Variants in P2RX5 observed in about 807,000 individuals in gnomAD.
P2RX5 encodes P2X purinoceptor 5.
Under a neutral mutation model 54.1 loss-of-function variants are expected in P2RX5, and 46 were observed. The observed-to-expected ratio is 0.85, with a 90% CI of 0.67 to 1.09. The LOEUF is 1.09. P2RX5 is among the 50% of genes least tolerant of loss of function. The pLI is 0.00. For missense variants in P2RX5, 566 were observed against 549.8 expected (o/e 1.03, Z -0.29); for synonymous variants, 226 against 226.4 (o/e 1.00, Z 0.02).
intron 1 of P2RX5, among the ~76,000 whole-genome samples, chr17:3,695,547 T>A (rs2143002246): frequency 6.6e-6 from 1 of 152,168 alleles, no homozygotes; most frequent in East Asian, 1.9e-4. Context: ...CCCTGCCCCC[T>A]TCCCATGGCC....
Position 3,681,968 on chromosome 17 carries a change from A to T in P2RX5, c.992T>A (p.Phe331Tyr). 1 of 1,612,420 alleles carries T rather than the reference A, an allele frequency of 6.2e-7. No homozygotes were observed. Among genetic ancestry groups the T allele is most frequent in the South Asian group, 1.1e-5 (1 of 91,058 alleles). ...DVMVNGKGAF[F>Y]CDLVLIYLIK... is the part of the protein sequence containing the mutation. The stretch of plus-strand genomic sequence containing the variant: ...GAGGTAGATGAGTACCAGGTCGCAG[A>T]AGAAAGCACCCTGCAAAACAGGGGT... Residue 331 changes from phenylalanine to tyrosine, a missense_variant, in exon 10 of 12, where the codon TTC (phenylalanine) becomes TAC (tyrosine). Physicochemically the swap from Phe to Tyr is conservative, Grantham distance 22. Coordinates refer to ENST00000225328, the MANE Select transcript of P2RX5 (RefSeq NM_002561.4).
chr17:3,700,919 C>T (rs2050812000), upstream of P2RX5, among the ~76,000 whole-genome samples: 1 of 152,172 alleles, frequency 6.6e-6, no homozygotes, highest in Non-Finnish European at 1.5e-5. Flanking sequence ...AGAAACTCCC[C>T]TCACCCCAGC....
chr17:3,690,898 C>G lies in P2RX5; in HGVS notation c.360+58G>C. On this transcript the variant is annotated intron_variant, in intron 3 of 11. Coordinates refer to ENST00000225328, the MANE Select transcript of P2RX5 (RefSeq NM_002561.4). ...ACCCTTGCTTCAGAAGAGAGTAGAC[C>G]CCAACCACTGCCGGTGGCTCTCCCA... 2.7e-6 allele frequency: 4 copies of G among 1,473,398 alleles called. No individual in the cohort carries two copies. The East Asian group carries it at 9.2e-5, about 34-fold the overall frequency. 91.3% of individuals were successfully genotyped at this position (1,473,398 alleles called of 1,614,324 possible).
In P2RX5 at chr17:3,674,916, C is replaced by A. The variant is rs117985361; in HGVS notation, c.1260-1039G>T. Among the ~76,000 whole-genome samples the A allele has an allele frequency of 2.4e-4, 36 of 152,344 alleles. No homozygotes were observed. In the East Asian group the frequency reaches 6.2e-3, roughly 26 times the overall value. On this transcript the variant is annotated intron_variant, in intron 11 of 11. Transcript: ENST00000225328. ...TTCAATGCCCCATTAGACTGGAAACCCTCGGGGGCAGGGATCGTGTCTGTG... is the reference window on the plus strand; with the variant it reads ...TTCAATGCCCCATTAGACTGGAAACACTCGGGGGCAGGGATCGTGTCTGTG...
At chr17:3,702,578 C>G in the P2RX5 span, among the ~76,000 whole-genome samples, 1 of 152,214 alleles carries the variant, frequency 6.6e-6, no homozygotes, top group African/African-American at 2.4e-5. Flanking sequence ...AGCTGTAACA[C>G]TCACTGCGAA....
the P2RX5 span, among the ~76,000 whole-genome samples, chr17:3,704,447 G>A: frequency 1.6e-4 from 24 of 152,260 alleles, no homozygotes; most frequent in Admixed American, 5.2e-4. Flanking sequence ...CTTCCATGAC[G>A]GACATATCCC....
chr17:3,720,278 G>A, the P2RX5 span: 135 of 1,083,672 alleles, frequency 1.2e-4, no homozygotes, highest in East Asian at 3.2e-3. Flanking sequence ...TTTTCCTTGG[G>A]CACTACTCAG....
chr17:3,696,400 G>C (rs2050760000), upstream of P2RX5: 1 of 161,032 alleles, frequency 6.2e-6, no homozygotes, highest in South Asian at 2.0e-4. Context: ...AGCAGCGATC[G>C]CGGAGGAGAG....
upstream of P2RX5, among the ~76,000 whole-genome samples, chr17:3,699,940 AAG>A (rs1485442586): frequency 6.2e-5 from 8 of 128,460 alleles, no homozygotes; most frequent in Non-Finnish European, 1.1e-4. Flanking sequence ...GAAAGAAAGA[AAG>A]AAAGAAAGAA....
At chr17:3,699,936 A>AAG (rs1310795893), upstream of P2RX5, among the ~76,000 whole-genome samples, 1 of 124,090 alleles carries the variant, frequency 8.1e-6, no homozygotes, top group African/African-American at 2.7e-5. Context: ...GAAAGAAAGA[A>AAG]AGAAAGAAAG....
At chr17:3,708,288 C>G in the P2RX5 span, among the ~76,000 whole-genome samples, 4 of 152,120 alleles carry the variant, frequency 2.6e-5, no homozygotes, top group African/African-American at 9.7e-5. Context: ...ACATGGCTCT[C>G]TAATCCTATT....
At chr17:3,699,905 G>GGAAA (rs2050805522), upstream of P2RX5, among the ~76,000 whole-genome samples, 1 of 35,428 alleles carries the variant, frequency 2.8e-5, no homozygotes, top group East Asian at 5.5e-4. Flanking sequence ...AAGGAAGGAA[G>GGAAA]GAAGGAAGGA....
intron 6 of P2RX5, 110 bp from the exon 7 acceptor site, chr17:3,689,740 GCAA>G (rs1473548948): frequency 1.4e-6 from 2 of 1,399,690 alleles, no homozygotes; most frequent in Non-Finnish European, 2.0e-6. Context: ...GCTCCCCGCA[GCAA>G]CACCCCACTT....
the P2RX5 span, among the ~76,000 whole-genome samples, chr17:3,710,705 A>G: frequency 6.6e-6 from 1 of 151,966 alleles, no homozygotes; most frequent in African/African-American, 2.4e-5. Flanking sequence ...AGGTGAGCGG[A>G]TCACTTGAAG....
intron 10 of P2RX5, 81 bp downstream of exon 10, chr17:3,681,815 T>G: frequency 2.2e-6 from 2 of 917,686 alleles, no homozygotes; most frequent in Admixed American, 1.7e-5. Flanking sequence ...GCCATCAATA[T>G]CACATCAGGG....
chr17:3,679,883 C>A (rs2050191294), intron 10 of P2RX5, 99 bp from the exon 11 acceptor site: 5 of 1,030,214 alleles, frequency 4.9e-6, no homozygotes, highest in Non-Finnish European at 7.3e-6. Context: ...GCCCTGCAGG[C>A]CGCCACCCTG....
Position 3,673,374 on chromosome 17 carries a change from G to A in P2RX5, c.*494C>T, listed in dbSNP as rs2050026184. The A allele has an allele frequency of 4.9e-6, 5 of 1,017,850 alleles. No homozygotes were observed. The South Asian group carries it at 1.6e-4, about 32-fold the overall frequency. The allele number at this position is 1,017,850 out of a possible 1,614,324, so 63.1% of individuals were successfully genotyped here. On this transcript the variant is annotated 3_prime_UTR_variant, in exon 12 of 12. Transcript: ENST00000225328. ...GGCAAACAGCTGGCAGGAAGGTGGT[G>A]TCTTTAGGAGAGAGAGTACTTGGAT...
intron 11 of P2RX5, chr17:3,676,229 C>T: frequency 5.1e-6 from 5 of 985,446 alleles, no homozygotes; most frequent in Non-Finnish European, 6.0e-6. Context: ...GAGAAGAGAG[C>T]TAGTCAGCTC....
chr17:3,720,616 C>G, the P2RX5 span: 1 of 379,336 alleles, frequency 2.6e-6, no homozygotes. Context: ...GAGTTTCGCT[C>G]TTTCGCCCAG....
Sources: allele counts gnomAD v4.1 joint callset (sites outside exome capture counted in the v4.1 genomes callset), GRCh38; gene constraint gnomAD v4.1.1; transcripts MANE v1.5; gene names NCBI Gene and HGNC (gene_info 2026-07-23, HGNC 2026-07-21).